Variants in TERB2 observed in about 807,000 individuals in gnomAD.
TERB2 encodes telomere repeat binding bouquet formation protein 2, also known as telomere repeats-binding bouquet formation protein 2.
In TERB2, 26 loss-of-function variants were observed where a neutral mutation model predicts 29.8. That is an observed-to-expected ratio of 0.87 (90% CI 0.64 to 1.21). The LOEUF (loss-of-function observed/expected upper bound fraction) is 1.21. TERB2 is among the 50% of genes most tolerant of loss of function. The pLI is 0.00. For missense variants in TERB2, 240 were observed against 268.6 expected (o/e 0.89, Z 0.74); for synonymous variants, 80 against 90.8 (o/e 0.88, Z 0.68).
intron 4 of TERB2, among the ~76,000 whole-genome samples, chr15:44,964,706 A>G (rs1454723480): frequency 2.6e-5 from 4 of 152,156 alleles, no homozygotes; most frequent in Non-Finnish European, 4.4e-5. Flanking sequence ...GAATTTGTCA[A>G]TTCTTTCAAA....
At chr15:44,969,525 A>AG (rs1891937683) in intron 5 of TERB2, among the ~76,000 whole-genome samples, 1 of 151,748 alleles carries the variant, frequency 6.6e-6, no homozygotes, top group African/African-American at 2.4e-5. Context: ...ATGGTGGCTC[A>AG]CACCTGTCAT....
chr15:44,964,235 C>T (rs942524472), intron 4 of TERB2, among the ~76,000 whole-genome samples: 17 of 151,950 alleles, frequency 1.1e-4, no homozygotes, highest in African/African-American at 4.1e-4. Flanking sequence ...ATATAGAAAA[C>T]CTTTACATTA....
intron 5 of TERB2, 105 bp downstream of exon 5, chr15:44,966,348 T>C (rs1891887964): frequency 1.8e-6 from 1 of 553,072 alleles, no homozygotes; most frequent in Non-Finnish European, 2.8e-6. Context: ...ATGAGATAGA[T>C]AGCATTATAA....
intron 5 of TERB2, 117 bp downstream of exon 5, chr15:44,966,360 C>A: frequency 2.1e-6 from 1 of 477,100 alleles, no homozygotes; most frequent in Non-Finnish European, 3.4e-6. Flanking sequence ...GCATTATAAT[C>A]ATTCCCATTA....
intron 5 of TERB2, among the ~76,000 whole-genome samples, chr15:44,972,591 C>T (rs1891987166): frequency 6.6e-6 from 1 of 150,520 alleles, no homozygotes; most frequent in Non-Finnish European, 1.5e-5. Flanking sequence ...TCTCAGCTCA[C>T]TGCAACCTCC....
intron 4 of TERB2, among the ~76,000 whole-genome samples, chr15:44,964,233 A>C (rs909748908): frequency 3.9e-5 from 6 of 152,134 alleles, no homozygotes; most frequent in Non-Finnish European, 8.8e-5. Flanking sequence ...TCATATAGAA[A>C]ACCTTTACAT....
intron 3 of TERB2, among the ~76,000 whole-genome samples, chr15:44,959,452 C>T (rs1891768946): frequency 6.6e-6 from 1 of 152,064 alleles, no homozygotes; most frequent in Non-Finnish European, 1.5e-5. Flanking sequence ...CACTGCAACT[C>T]CACCTCCTGG....
chr15:44,972,385 T>C (rs756571553), intron 5 of TERB2, among the ~76,000 whole-genome samples: 2 of 152,192 alleles, frequency 1.3e-5, no homozygotes, highest in Non-Finnish European at 2.9e-5. Flanking sequence ...TTTTTAATTA[T>C]TGAGGTTTTT....
chr15:44,957,950 CTCT>C (rs1048381329), intron 2 of TERB2, among the ~76,000 whole-genome samples: 4 of 152,108 alleles, frequency 2.6e-5, no homozygotes, highest in African/African-American at 9.7e-5. Flanking sequence ...TCTTGTAATG[CTCT>C]TCTTATCTCC....
chr15:44,962,909 A>G (rs1891829394), intron 4 of TERB2: 1 of 152,290 alleles, frequency 6.6e-6, no homozygotes, highest in Admixed American at 6.5e-5. Context: ...ATGACACGCA[A>G]ATTCGTGAAG....
chr15:44,959,353 A>G (rs574972018), intron 3 of TERB2, among the ~76,000 whole-genome samples: 1 of 151,638 alleles, frequency 6.6e-6, no homozygotes, highest in South Asian at 2.1e-4. Flanking sequence ...AATCCTGCCT[A>G]TTTTTTCTGG....
At chr15:44,957,993 G>GAAAGA (rs1221533753) in intron 2 of TERB2, among the ~76,000 whole-genome samples, 2 of 152,018 alleles carry the variant, frequency 1.3e-5, no homozygotes, top group African/African-American at 4.8e-5. Context: ...CTTTCTATAT[G>GAAAGA]TGAAGCTTTC....
intron 5 of TERB2, among the ~76,000 whole-genome samples, chr15:44,971,373 T>A (rs1235972394): frequency 6.6e-6 from 1 of 152,190 alleles, no homozygotes; most frequent in Non-Finnish European, 1.5e-5. Context: ...TTCCTTAAGA[T>A]TCTAAGGATA....
At chr15:44,961,348 A>G (rs528089046) in intron 3 of TERB2, among the ~76,000 whole-genome samples, 175 bp from the exon 4 acceptor site, 1 of 151,834 alleles carries the variant, frequency 6.6e-6, no homozygotes, top group East Asian at 1.9e-4. Context: ...TGCAAATTCC[A>G]GAGCTCCTCC....
Position 44,972,945 on chromosome 15 carries a change from C to A in TERB2, c.435-922C>A, listed in dbSNP as rs141812960. On this transcript the variant is annotated intron_variant, in intron 5 of 6. Coordinates refer to ENST00000340827, the MANE Select transcript of TERB2 (RefSeq NM_152448.3). ...TTGCCCAAGCTGGAGTGCAGTGGTA[C>A]GATCTTGGCTCACTGCAACCTCTGC... is the stretch of plus-strand genomic sequence containing the variant. 1.3e-4 allele frequency among the ~76,000 whole-genome samples: 20 copies of A among 148,686 alleles called. No homozygotes were observed. The East Asian group carries it at 3.8e-3, about 28-fold the overall frequency.
chr15:44,978,704 C>T lies in TERB2; in HGVS notation c.*76C>T. On this transcript the variant is annotated 3_prime_UTR_variant, in exon 7 of 7. Transcript: ENST00000340827. ...AGATGTGCATATCATAAAATGCTCCCTTTTGGTACTGGGGGATAGTGAAAT... is the reference window on the plus strand; with the variant it reads ...AGATGTGCATATCATAAAATGCTCCTTTTTGGTACTGGGGGATAGTGAAAT... 1.5e-6 allele frequency: 2 copies of T among 1,374,604 alleles called. No homozygotes were observed. The highest frequency in any genetic ancestry group is 1.9e-6 in the Non-Finnish European group (2 of 1,052,226). 85.2% of individuals were successfully genotyped at this position (1,374,604 alleles called of 1,614,324 possible). A position where few individuals can be genotyped will look rare whatever the true frequency, so the allele number is the denominator to read the frequency against.
intron 2 of TERB2, among the ~76,000 whole-genome samples, 182 bp downstream of exon 2, chr15:44,957,159 A>G (rs1420175175): frequency 6.6e-6 from 1 of 151,766 alleles, no homozygotes; most frequent in East Asian, 1.9e-4. Context: ...GGTTGCAGTG[A>G]GCCAAGATCG....
Position 44,958,526 on chromosome 15 carries a change from A to G in TERB2, c.286+14A>G. On this transcript the variant is annotated intron_variant, in intron 3 of 6. Coordinates refer to ENST00000340827, the MANE Select transcript of TERB2 (RefSeq NM_152448.3). ...GCCTGCAAAAAGGTTAGCAAAGATC[A>G]TTCAGCCAATCCCTGTCAGACAGCC... The G allele has an allele frequency of 6.3e-7, 1 of 1,596,356 alleles. No individual in the cohort carries two copies. The highest frequency in any genetic ancestry group is 8.5e-7 in the Non-Finnish European group (1 of 1,169,612).
chr15:44,957,106 G>A lies in TERB2; in HGVS notation c.146+129G>A, dbSNP rs1156357579. ...GCGGACACCTATAATCCCAGCTACTGGGAAGACTGAAGCAGGAGAATCGCT... is the reference window on the plus strand; with the variant it reads ...GCGGACACCTATAATCCCAGCTACTAGGAAGACTGAAGCAGGAGAATCGCT... On this transcript the variant is annotated intron_variant, in intron 2 of 6. Coordinates refer to ENST00000340827, the MANE Select transcript of TERB2 (RefSeq NM_152448.3). The A allele has an allele frequency of 4.0e-6, 4 of 996,696 alleles. No individual in the cohort carries two copies. The Admixed American group carries it at 6.4e-5, about 16-fold the overall frequency. 61.7% of individuals were successfully genotyped at this position (996,696 alleles called of 1,614,324 possible). A position where few individuals can be genotyped will look rare whatever the true frequency, so the allele number is the denominator to read the frequency against.
Sources: allele counts gnomAD v4.1 joint callset (sites outside exome capture counted in the v4.1 genomes callset), GRCh38; gene constraint gnomAD v4.1.1; transcripts MANE v1.5; gene names NCBI Gene and HGNC (gene_info 2026-07-23, HGNC 2026-07-21).